Variants in ELMO1 observed in about 807,000 individuals in gnomAD.
ELMO1 encodes the protein engulfment and cell motility 1.
In ELMO1, 26 loss-of-function variants were observed where a neutral mutation model predicts 98.9. The ratio of observed to expected loss-of-function variants is 0.26; its 90% CI spans 0.19 to 0.36. The LOEUF is 0.36. Ranked by LOEUF, ELMO1 falls within the 10% of genes least tolerant of loss-of-function variation. The pLI is 1.00. For synonymous variants in ELMO1, 346 were observed against 346.0 expected (o/e 1.00, Z 0.00); for missense variants, 627 against 935.2 (o/e 0.67, Z 4.30).
intron 16 of ELMO1, among the ~76,000 whole-genome samples, chr7:36,932,112 T>C (rs1015009634): frequency 6.6e-6 from 1 of 152,096 alleles, no homozygotes; most frequent in African/African-American, 2.4e-5. Context: ...ACAGAACACT[T>C]AGTATAGCTG....
chr7:37,288,601 G>C (rs1335837631), intron 4 of ELMO1, among the ~76,000 whole-genome samples: 1 of 152,186 alleles, frequency 6.6e-6, no homozygotes, highest in Non-Finnish European at 1.5e-5. Flanking sequence ...TGGACAACCA[G>C]GGCCTTGCAG....
intron 4 of ELMO1, among the ~76,000 whole-genome samples, chr7:37,293,858 T>G (rs1446355575): frequency 4.0e-5 from 6 of 151,448 alleles, no homozygotes; most frequent in Admixed American, 2.6e-4. Flanking sequence ...TAATTTTAAG[T>G]TTTCCACTAA....
At chr7:37,429,019 GGTTGTTGTT>G (rs67631888) in intron 1 of ELMO1, among the ~76,000 whole-genome samples, 28,573 of 151,124 alleles carry the variant, frequency 0.19, 2,838 homozygotes, top group East Asian at 0.34. Context: ...ACGTACTGCA[GGTTGTTGTT>G]GTTGTTGTTG....
intron 15 of ELMO1, 21 bp from the exon 16 acceptor site, chr7:37,013,456 A>G: frequency 6.2e-7 from 1 of 1,613,064 alleles, no homozygotes; most frequent in Non-Finnish European, 8.5e-7. Flanking sequence ...GAGATGGAAA[A>G]TAAGAGAAAA....
intron 13 of ELMO1, among the ~76,000 whole-genome samples, chr7:37,182,607 C>T (rs1025852775): frequency 1.3e-5 from 2 of 151,466 alleles, no homozygotes; most frequent in African/African-American, 2.4e-5. Context: ...TTCTCTCTCC[C>T]TTGACAAGCG....
intron 14 of ELMO1, among the ~76,000 whole-genome samples, chr7:37,100,697 C>A (rs1784591986): frequency 1.3e-5 from 2 of 152,194 alleles, no homozygotes; most frequent in African/African-American, 4.8e-5. Context: ...CCACTGTGAA[C>A]CTTTTTCCAT....
intron 13 of ELMO1, among the ~76,000 whole-genome samples, chr7:37,158,770 G>A (rs1027644991): frequency 2.0e-5 from 3 of 152,186 alleles, no homozygotes; most frequent in Non-Finnish European, 4.4e-5. Flanking sequence ...TCTAGAACTA[G>A]AAATACCATT....
rs530091602 is a variant in ELMO1, at chr7:37,100,557, C to T, written c.1192-3830G>A. Among the ~76,000 whole-genome samples, 3 of 152,370 alleles carry T rather than the reference C, an allele frequency of 2.0e-5. No individual in the cohort carries two copies. The South Asian group carries it at 6.2e-4, about 32-fold the overall frequency. On this transcript the variant is annotated intron_variant, in intron 14 of 21. Transcript: ENST00000310758. ...TATTCACTTGCTTGTCTCTGACACA[C>T]TCTCTCTTCCACTCTCTGTTGAAGC...
intron 1 of ELMO1, among the ~76,000 whole-genome samples, chr7:37,439,503 C>T (rs1805304844): frequency 6.6e-6 from 1 of 152,184 alleles, no homozygotes; most frequent in African/African-American, 2.4e-5. Context: ...ACCCCTTCTC[C>T]ACATATGGAG....
chr7:37,222,485 T>C, intron 10 of ELMO1, 130 bp downstream of exon 10: 1 of 904,388 alleles, frequency 1.1e-6, no homozygotes, highest in African/African-American at 1.7e-5. Flanking sequence ...ACATAGCTGC[T>C]CTGGAGAGTC....
intron 16 of ELMO1, among the ~76,000 whole-genome samples, chr7:36,917,960 A>G (rs113372020): frequency 6.6e-6 from 1 of 152,220 alleles, no homozygotes; most frequent in African/African-American, 2.4e-5. Context: ...AAAAATAAGC[A>G]TTCTTACTTT....
intron 16 of ELMO1, among the ~76,000 whole-genome samples, chr7:36,983,593 C>T (rs1214550973): frequency 1.3e-5 from 2 of 152,192 alleles, no homozygotes; most frequent in Non-Finnish European, 2.9e-5. Flanking sequence ...TAAATTTCCT[C>T]ATCTAAAACA....
chr7:36,905,270 C>T (rs944099244), intron 16 of ELMO1, among the ~76,000 whole-genome samples: 1 of 152,146 alleles, frequency 6.6e-6, no homozygotes, highest in Admixed American at 6.5e-5. Context: ...AAGCCTTTTA[C>T]AAATCCTTCT....
At chr7:37,004,948 A>C (rs1481139331) in intron 16 of ELMO1, among the ~76,000 whole-genome samples, 2 of 151,776 alleles carry the variant, frequency 1.3e-5, no homozygotes, top group African/African-American at 4.8e-5. Context: ...GTCTCTACTA[A>C]AAATACAAAA....
intron 16 of ELMO1, among the ~76,000 whole-genome samples, chr7:36,989,597 T>A (rs1463918044): frequency 6.6e-6 from 1 of 152,242 alleles, no homozygotes; most frequent in Admixed American, 6.5e-5. Context: ...AGGGTCTCAC[T>A]ATTTCAAGCC....
At chr7:37,214,885 T>C (rs564695175) in intron 11 of ELMO1, among the ~76,000 whole-genome samples, 6 of 152,322 alleles carry the variant, frequency 3.9e-5, no homozygotes, top group Admixed American at 3.9e-4. Flanking sequence ...AGCAAACTGA[T>C]TTTTGAGACA....
intron 1 of ELMO1, among the ~76,000 whole-genome samples, chr7:37,438,719 C>T (rs1438155627): frequency 6.6e-6 from 1 of 152,212 alleles, no homozygotes; most frequent in East Asian, 1.9e-4. Flanking sequence ...CTCAGCTACT[C>T]GAAGAGGTGG....
At chr7:37,210,496 A>C (rs1009110035) in intron 13 of ELMO1, among the ~76,000 whole-genome samples, 3 of 151,246 alleles carry the variant, frequency 2.0e-5, no homozygotes, top group African/African-American at 7.3e-5. Context: ...ACAGATATAT[A>C]CATTGTGTGT....
chr7:36,912,877 A>G (rs1398336961), intron 16 of ELMO1, among the ~76,000 whole-genome samples: 1 of 152,228 alleles, frequency 6.6e-6, no homozygotes, highest in Non-Finnish European at 1.5e-5. Context: ...GGTGCACAGT[A>G]TATGCTCAAT....
Sources: gnomAD v4.1 joint callset for allele counts (sites outside exome capture counted in the v4.1 genomes callset) on GRCh38, gnomAD v4.1.1 for gene constraint, MANE v1.5 for transcripts, NCBI Gene and HGNC (gene_info 2026-07-23, HGNC 2026-07-21) for gene names.